Variants in REC114 observed in about 807,000 individuals in gnomAD.
The protein encoded by REC114 is REC114 meiotic recombination protein, also known as meiotic recombination protein REC114.
In REC114, 27 loss-of-function variants were observed where a neutral mutation model predicts 31.3. The ratio of observed to expected loss-of-function variants is 0.86; its 90% CI spans 0.64 to 1.19. The LOEUF is 1.19. Ranked by LOEUF, REC114 falls within the 50% of genes most tolerant of loss-of-function variation. The pLI, the probability that REC114 is intolerant of heterozygous loss-of-function variation, is 0.00. For synonymous variants in REC114, 134 were observed against 127.7 expected (o/e 1.05, Z -0.33); for missense variants, 344 against 326.9 (o/e 1.05, Z -0.40).
intron 1 of REC114, among the ~76,000 whole-genome samples, chr15:73,446,560 A>G (rs1892767277): frequency 1.3e-5 from 2 of 152,042 alleles, no homozygotes; most frequent in Admixed American, 1.3e-4. Context: ...GAATCACTTG[A>G]ACCTGGGAGG....
intron 1 of REC114, among the ~76,000 whole-genome samples, chr15:73,465,193 G>T: frequency 6.6e-6 from 1 of 152,066 alleles, no homozygotes; most frequent in Middle Eastern, 3.2e-3. Flanking sequence ...TCCCCTGCCA[G>T]ATGCTGGTCT....
chr15:73,476,874 T>C (rs1893222319), intron 2 of REC114, among the ~76,000 whole-genome samples: 1 of 152,266 alleles, frequency 6.6e-6, no homozygotes, highest in African/African-American at 2.4e-5. Flanking sequence ...TGTTTTCATT[T>C]TTCATCGTTA....
intron 1 of REC114, among the ~76,000 whole-genome samples, chr15:73,452,480 A>C (rs1248367500): frequency 1.3e-4 from 20 of 152,244 alleles, no homozygotes; most frequent in Non-Finnish European, 2.9e-5. Flanking sequence ...CAAGGCAATA[A>C]GAGAGGACAA....
rs1006527585 is a variant in REC114 at position 73,443,330 on chromosome 15, T to A, written c.145T>A (p.Cys49Ser). 2.5e-6 allele frequency: 4 copies of A among 1,578,574 alleles called. No individual in the cohort carries two copies. Among genetic ancestry groups the A allele is most frequent in the Non-Finnish European group, 2.6e-6 (3 of 1,163,594 alleles). ...ATGCCTGGAAGCTGGGACAGCCCCC[T>A]GCCCCACATGGAAGGTGAGGCCCGA... Reference protein sequence around the residue: ...GPCLEAGTAPCPTWKVFDSNE... With the variant: ...GPCLEAGTAPSPTWKVFDSNE... The change falls in exon 1 of 6, where the codon TGC (cysteine) becomes AGC (serine). Residue 49 changes from cysteine (C) to serine (S), a missense_variant. By Grantham distance (112) the Cys-to-Ser change is moderately radical. Transcript: ENST00000331090.
intron 2 of REC114, among the ~76,000 whole-genome samples, chr15:73,478,449 A>C (rs1014291617): frequency 9.9e-5 from 15 of 152,006 alleles, no homozygotes; most frequent in Admixed American, 9.8e-4. Context: ...CTGTTGATCT[A>C]TATGTCTATC....
At chr15:73,519,239 T>A (rs572656590) in intron 2 of REC114, among the ~76,000 whole-genome samples, 2 of 152,308 alleles carry the variant, frequency 1.3e-5, no homozygotes, top group East Asian at 3.9e-4. Flanking sequence ...TCTGTCTTCA[T>A]GAATGGGATT....
chr15:73,524,246 G>A (rs1893977119), intron 2 of REC114, among the ~76,000 whole-genome samples: 1 of 152,174 alleles, frequency 6.6e-6, no homozygotes, highest in Non-Finnish European at 1.5e-5. Context: ...GATGGAAGAA[G>A]AGTGAAATCA....
At chr15:73,546,938 A>C (rs1215846639) in intron 3 of REC114, among the ~76,000 whole-genome samples, 1 of 152,158 alleles carries the variant, frequency 6.6e-6, no homozygotes. Flanking sequence ...CTTAAATCGA[A>C]GACCTCAAAC....
intron 2 of REC114, among the ~76,000 whole-genome samples, chr15:73,520,242 T>G (rs1342284430): frequency 6.6e-6 from 1 of 152,076 alleles, no homozygotes; most frequent in Non-Finnish European, 1.5e-5. Flanking sequence ...GTTTTTTGTT[T>G]GTTTGTTTGT....
chr15:73,456,702 G>A (rs1892920185), intron 1 of REC114, among the ~76,000 whole-genome samples: 3 of 152,214 alleles, frequency 2.0e-5, no homozygotes, highest in Non-Finnish European at 4.4e-5. Flanking sequence ...CCATTTTATA[G>A]ATAAGTGAAC....
At chr15:73,486,059 A>G (rs1893360365) in intron 2 of REC114, among the ~76,000 whole-genome samples, 1 of 152,142 alleles carries the variant, frequency 6.6e-6, no homozygotes, top group African/African-American at 2.4e-5. Context: ...TGATTACTCA[A>G]CTGGAAGAAA....
At chr15:73,528,544 G>A (rs778329097) in intron 2 of REC114, among the ~76,000 whole-genome samples, 1 of 152,146 alleles carries the variant, frequency 6.6e-6, no homozygotes, top group Non-Finnish European at 1.5e-5. Flanking sequence ...TTAGGGCAGG[G>A]GTTAGCACAC....
chr15:73,497,477 C>A (rs1567872461), intron 2 of REC114, among the ~76,000 whole-genome samples: 1 of 152,262 alleles, frequency 6.6e-6, no homozygotes, highest in South Asian at 2.1e-4. Flanking sequence ...GATCACTTTT[C>A]TTTAGTCTTT....
chr15:73,519,597 T>C (rs975865210), intron 2 of REC114, among the ~76,000 whole-genome samples: 2 of 152,208 alleles, frequency 1.3e-5, no homozygotes, highest in African/African-American at 2.4e-5. Flanking sequence ...AAAATAGAAC[T>C]ACTATCTGAT....
intron 2 of REC114, among the ~76,000 whole-genome samples, chr15:73,507,271 G>A (rs891423201): frequency 4.6e-5 from 7 of 152,146 alleles, no homozygotes; most frequent in African/African-American, 1.4e-4. Flanking sequence ...CATGCATAGG[G>A]TACATCTAGA....
intron 1 of REC114, among the ~76,000 whole-genome samples, chr15:73,469,724 G>T (rs182261255): frequency 0.013 from 1,645 of 123,138 alleles, 27 homozygotes; most frequent in African/African-American, 0.049. Flanking sequence ...TCCCTCCTTT[G>T]CCCAGGCTGG....
intron 2 of REC114, among the ~76,000 whole-genome samples, chr15:73,496,351 CAAAAAAAAAA>C (rs539098846): frequency 1.5e-4 from 3 of 20,508 alleles, no homozygotes; most frequent in Non-Finnish European, 3.3e-4. Flanking sequence ...GACTCCTTCT[CAAAAAAAAAA>C]AAAAAAAAAA....
At chr15:73,558,636 TAAAAAC>T (rs941305247) in intron 5 of REC114, among the ~76,000 whole-genome samples, 10 of 152,092 alleles carry the variant, frequency 6.6e-5, no homozygotes, top group African/African-American at 2.4e-4. Flanking sequence ...ATGCCTAAAT[TAAAAAC>T]AAAAAGAAAA....
chr15:73,496,515 T>A (rs1193886965), intron 2 of REC114, among the ~76,000 whole-genome samples: 2 of 151,524 alleles, frequency 1.3e-5, no homozygotes, highest in Non-Finnish European at 2.9e-5. Context: ...TAGCCAGACG[T>A]GGTGGCGGAC....
Sources: gnomAD v4.1 joint callset for allele counts (sites outside exome capture counted in the v4.1 genomes callset) on GRCh38, gnomAD v4.1.1 for gene constraint, MANE v1.5 for transcripts, NCBI Gene and HGNC (gene_info 2026-07-23, HGNC 2026-07-21) for gene names.